Variants in DLC1 observed in about 807,000 individuals in gnomAD.
DLC1 encodes rho GTPase-activating protein 7.
Under a neutral mutation model 140.3 loss-of-function variants are expected in DLC1, and 54 were observed. That is an observed-to-expected ratio of 0.38 (90% confidence interval 0.31 to 0.48). The LOEUF (loss-of-function observed/expected upper bound fraction) is 0.48, where lower values mean the gene tolerates loss of function less well. DLC1 is among the 20% of genes least tolerant of loss of function. DLC1 has a pLI of 0.96. For synonymous variants in DLC1, 986 were observed against 728.1 expected (o/e 1.35, Z -5.70); for missense variants, 2,536 against 1,907.0 (o/e 1.33, Z -6.14).
At chr8:13,514,338 A>C (rs1211476339) in intron 1 of DLC1, among the ~76,000 whole-genome samples, 1 of 152,230 alleles carries the variant, frequency 6.6e-6, no homozygotes, top group Non-Finnish European at 1.5e-5. Flanking sequence ...AAATAAGTTA[A>C]ACGTAAAAAG....
intron 2 of DLC1, among the ~76,000 whole-genome samples, chr8:13,422,787 A>G (rs1451066900): frequency 1.4e-5 from 2 of 148,058 alleles, no homozygotes; most frequent in Non-Finnish European, 3.0e-5. Context: ...ATCAACATGC[A>G]AACAACCAGC....
intron 2 of DLC1, among the ~76,000 whole-genome samples, chr8:13,423,237 A>T (rs1340903335): frequency 6.6e-6 from 1 of 152,204 alleles, no homozygotes; most frequent in Non-Finnish European, 1.5e-5. Context: ...TTTAGAAGGA[A>T]ATAAATGCAT....
chr8:13,418,457 T>C (rs1563330647), intron 2 of DLC1, among the ~76,000 whole-genome samples: 1 of 152,192 alleles, frequency 6.6e-6, no homozygotes, highest in Non-Finnish European at 1.5e-5. Context: ...CCCAGCACCA[T>C]TTATTAAATA....
chr8:13,307,304 T>A (rs1367812207), intron 4 of DLC1, among the ~76,000 whole-genome samples: 1 of 152,166 alleles, frequency 6.6e-6, no homozygotes, highest in East Asian at 1.9e-4. Flanking sequence ...TTCCAACAAA[T>A]GGCATAGGCT....
At chr8:13,157,034 C>T (rs898392659) in intron 5 of DLC1, among the ~76,000 whole-genome samples, 5 of 152,108 alleles carry the variant, frequency 3.3e-5, no homozygotes, top group Non-Finnish European at 7.4e-5. Context: ...ATGGTGTTCA[C>T]GCAGAACCTT....
intron 3 of DLC1, among the ~76,000 whole-genome samples, chr8:13,395,119 A>T (rs988204203): frequency 1.1e-4 from 7 of 61,800 alleles, no homozygotes; most frequent in African/African-American, 4.5e-4. Flanking sequence ...ATCTCTCTTT[A>T]TAATTCTTTT....
chr8:13,382,069 C>T (rs550647956), intron 4 of DLC1, among the ~76,000 whole-genome samples: 3 of 152,138 alleles, frequency 2.0e-5, no homozygotes, highest in South Asian at 4.2e-4. Context: ...GGGAATCCTT[C>T]TTATTTAGAG....
chr8:13,337,503 A>G (rs1833854878), intron 4 of DLC1, among the ~76,000 whole-genome samples: 1 of 152,168 alleles, frequency 6.6e-6, no homozygotes, highest in South Asian at 2.1e-4. Context: ...TTGATTTGAC[A>G]ATCACATTAA....
At chr8:13,390,254 AC>A (rs1187194606) in intron 4 of DLC1, among the ~76,000 whole-genome samples, 1 of 152,132 alleles carries the variant, frequency 6.6e-6, no homozygotes, top group African/African-American at 2.4e-5. Context: ...TCCCCTCAAA[AC>A]AAAAGTGTAG....
Position 13,531,171 on chromosome 8 carries a change from C to A in DLC1, c.-125-30975G>T, listed in dbSNP as rs1161899138. Among the ~76,000 whole-genome samples the A allele has an allele frequency of 2.0e-5, 3 of 152,164 alleles. No homozygotes were observed. The East Asian group carries it at 5.8e-4, about 29-fold the overall frequency. On this transcript the variant is annotated intron_variant, in intron 1 of 1. Transcript: ENST00000631382. ...GCTCACCATCTTCATCTTGAATTTT[C>A]TAGTCTCAGAACTGTGAGAAATAAA...
chr8:13,404,451 G>A (rs1278949630), intron 2 of DLC1, among the ~76,000 whole-genome samples: 1 of 152,122 alleles, frequency 6.6e-6, no homozygotes, highest in Non-Finnish European at 1.5e-5. Flanking sequence ...GGGCCAGAAG[G>A]ATAGAGAATT....
chr8:13,170,449 G>A (rs1425921060), intron 5 of DLC1, among the ~76,000 whole-genome samples: 1 of 152,074 alleles, frequency 6.6e-6, no homozygotes, highest in Non-Finnish European at 1.5e-5. Flanking sequence ...TGTGTTTCCG[G>A]GCCGGGCGCG....
At chr8:13,306,488 T>C (rs891408074) in intron 4 of DLC1, among the ~76,000 whole-genome samples, 2 of 152,030 alleles carry the variant, frequency 1.3e-5, no homozygotes, top group African/African-American at 4.8e-5. Flanking sequence ...TCTTCATTTC[T>C]TCAGGGACAA....
chr8:13,582,876 GTCTATATATATATATATATATA>G (rs1563456609), intron 1 of DLC1, among the ~76,000 whole-genome samples: 1 of 41,988 alleles, frequency 2.4e-5, no homozygotes, highest in African/African-American at 8.3e-5. Context: ...ATATACTGTG[GTCTATATATATATATATATATA>G]TATATATATA....
chr8:13,260,159 G>C (rs571111399), intron 5 of DLC1, among the ~76,000 whole-genome samples: 2 of 152,198 alleles, frequency 1.3e-5, no homozygotes, highest in Admixed American at 6.5e-5. Context: ...CAAGCAGGTA[G>C]AGGTGCTTTG....
intron 2 of DLC1, among the ~76,000 whole-genome samples, chr8:13,464,690 A>T (rs1021803444): frequency 4.8e-5 from 7 of 144,624 alleles, no homozygotes; most frequent in Non-Finnish European, 1.1e-4. Context: ...CCCTCCACTA[A>T]TTTTTTTGGT....
At position 13,431,482 on chromosome 8, in the gene DLC1, CAAAAAAA is replaced by C. The variant is rs56057254; in HGVS notation, c.1024-29870_1024-29864del. The stretch of plus-strand genomic sequence containing the variant: ...TGGGCCACAGAGCGAGACTCCGTCT[CAAAAAAA>C]AAAAAAAAAAAAAAAAAAAAAAAAA... On this transcript the variant is annotated intron_variant, in intron 2 of 17. Coordinates refer to ENST00000276297, the MANE Select transcript of DLC1 (RefSeq NM_182643.3). Among the ~76,000 whole-genome samples the C allele has an allele frequency of 1.5e-4, 6 of 40,592 alleles. No homozygotes were observed. In the East Asian group the frequency reaches 4.3e-3, roughly 29 times the overall value. 26.6% of individuals were successfully genotyped at this position (40,592 alleles called of 152,430 possible). A position where few individuals can be genotyped will look rare whatever the true frequency, so the allele number is the denominator to read the frequency against.
intron 2 of DLC1, among the ~76,000 whole-genome samples, chr8:13,409,303 T>C (rs770239934): frequency 6.6e-6 from 1 of 152,190 alleles, no homozygotes; most frequent in Non-Finnish European, 1.5e-5. Flanking sequence ...CTTTATGCTA[T>C]CTGATATACT....
At chr8:13,488,507 A>T (rs1263771705) in intron 2 of DLC1, among the ~76,000 whole-genome samples, 1 of 152,200 alleles carries the variant, frequency 6.6e-6, no homozygotes, top group East Asian at 1.9e-4. Flanking sequence ...AGACAGAAAC[A>T]GAAAACAGAA....
Sources: allele counts gnomAD v4.1 joint callset (sites outside exome capture counted in the v4.1 genomes callset), GRCh38; gene constraint gnomAD v4.1.1; transcripts MANE v1.5; gene names NCBI Gene and HGNC (gene_info 2026-07-23, HGNC 2026-07-21).